CDK6: variants seen among roughly 807,000 people sequenced by gnomAD.
CDK6 encodes the protein cyclin-dependent kinase 6.
In CDK6, 6 loss-of-function variants were observed where a neutral mutation model predicts 37.1. That is an observed-to-expected ratio of 0.16 (90% CI 0.09 to 0.32). The LOEUF is 0.32. CDK6 is among the 10% of genes least tolerant of loss of function. CDK6 has a pLI of 1.00. For synonymous variants in CDK6, 160 were observed against 161.3 expected, an observed-to-expected ratio of 0.99 and a Z score of 0.06; for missense variants, 224 against 418.9, an observed-to-expected ratio of 0.53 and a Z score of 4.06.
In CDK6 at chr7:92,608,599, G is replaced by A. The variant is rs1025212856; in HGVS notation, c.*6541C>T. 5 of 232,216 alleles carry A rather than the reference G, an allele frequency of 2.2e-5. No homozygotes were observed. The highest frequency in any genetic ancestry group is 2.6e-5 in the Non-Finnish European group (3 of 117,452). 14.4% of individuals were successfully genotyped at this position (232,216 alleles called of 1,614,324 possible). A position where few individuals can be genotyped will look rare whatever the true frequency, so the allele number is the denominator to read the frequency against. ...GAGCTTAGCGCCTGAGAGATGCGGG[G>A]TAGACAGCTTCACACAGGGCAGCTG... On this transcript the variant is annotated 3_prime_UTR_variant, in exon 8 of 8. Coordinates refer to ENST00000424848, the MANE Select transcript of CDK6 (RefSeq NM_001145306.2).
intron 4 of CDK6, among the ~76,000 whole-genome samples, chr7:92,682,614 G>T (rs1467397446): frequency 1.3e-5 from 2 of 152,176 alleles, no homozygotes; most frequent in Non-Finnish European, 2.9e-5. Context: ...GCAGAGTGTT[G>T]TATAAAGCAA....
chr7:92,639,052 T>C (rs1487038945), intron 5 of CDK6, among the ~76,000 whole-genome samples: 2 of 152,218 alleles, frequency 1.3e-5, no homozygotes, highest in African/African-American at 4.8e-5. Context: ...CTGGGACTTA[T>C]ATCATCTGCT....
chr7:92,648,881 A>T (rs187518366), intron 5 of CDK6, among the ~76,000 whole-genome samples: 1 of 152,302 alleles, frequency 6.6e-6, no homozygotes, highest in East Asian at 1.9e-4. Flanking sequence ...TACATTTGGG[A>T]TATGTAAGTA....
chr7:92,664,433 T>C (rs1585380668), intron 5 of CDK6, among the ~76,000 whole-genome samples: 1 of 152,186 alleles, frequency 6.6e-6, no homozygotes, highest in South Asian at 2.1e-4. Flanking sequence ...ACCAACACAG[T>C]AACCAATGGG....
chr7:92,722,496 G>C (rs933052661), intron 4 of CDK6, among the ~76,000 whole-genome samples: 5 of 152,186 alleles, frequency 3.3e-5, no homozygotes. Flanking sequence ...TTGAGATTGA[G>C]CTACAGCATG....
intron 2 of CDK6, among the ~76,000 whole-genome samples, chr7:92,792,356 T>C (rs1800305795): frequency 6.6e-6 from 1 of 152,168 alleles, no homozygotes; most frequent in Non-Finnish European, 1.5e-5. Context: ...TCTATCTCCA[T>C]TTTTAGGTTG....
chr7:92,836,023 GT>G (rs1290565813), intron 1 of CDK6, among the ~76,000 whole-genome samples: 1 of 152,180 alleles, frequency 6.6e-6, no homozygotes, highest in South Asian at 2.1e-4. Context: ...TGGAGAGGGA[GT>G]TTTCGAGGGG....
chr7:92,622,219 C>T (rs1455704284), intron 6 of CDK6, among the ~76,000 whole-genome samples: 1 of 152,088 alleles, frequency 6.6e-6, no homozygotes, highest in Admixed American at 6.6e-5. Flanking sequence ...GCCCCAGTTA[C>T]ATTCTAGAAA....
chr7:92,742,028 G>C (rs972528555), intron 3 of CDK6, among the ~76,000 whole-genome samples: 1 of 151,984 alleles, frequency 6.6e-6, no homozygotes, highest in Non-Finnish European at 1.5e-5. Context: ...AGCTAGAAGT[G>C]GTGCTGACAG....
intron 2 of CDK6, among the ~76,000 whole-genome samples, chr7:92,790,077 T>C (rs181964946): frequency 4.5e-4 from 68 of 152,282 alleles, no homozygotes; most frequent in Middle Eastern, 3.4e-3. Flanking sequence ...CTCTCCAAAA[T>C]AGTACTTTCT....
At chr7:92,778,956 T>C (rs1431218567) in intron 2 of CDK6, among the ~76,000 whole-genome samples, 1 of 147,306 alleles carries the variant, frequency 6.8e-6, no homozygotes, top group Non-Finnish European at 1.5e-5. Context: ...TAAGATATTA[T>C]AGTAATTTCC....
chr7:92,774,648 A>G (rs1158523200), intron 3 of CDK6, 48 bp downstream of exon 3: 1 of 1,509,468 alleles, frequency 6.6e-7, no homozygotes, highest in Admixed American at 2.4e-5. Flanking sequence ...TGCTTAACAG[A>G]CTATAATAGT....
chr7:92,608,870 A>C lies in CDK6; in HGVS notation c.*6270T>G. The C allele has an allele frequency of 4.3e-6, 1 of 232,226 alleles. No homozygotes were observed. Among genetic ancestry groups the C allele is most frequent in the Admixed American group, 5.6e-5 (1 of 17,774 alleles). 14.4% of individuals were successfully genotyped at this position (232,226 alleles called of 1,614,324 possible). On this transcript the variant is annotated 3_prime_UTR_variant, in exon 8 of 8. Coordinates refer to ENST00000424848, the MANE Select transcript of CDK6 (RefSeq NM_001145306.2). ...CCTCGCCCACTGCCTCTCTCCTGCC[A>C]AAGGGGCGGGGCAACGAGGCAGCGC...
intron 5 of CDK6, among the ~76,000 whole-genome samples, chr7:92,655,577 C>T (rs1470189121): frequency 6.6e-6 from 1 of 152,174 alleles, no homozygotes; most frequent in Non-Finnish European, 1.5e-5. Context: ...CAAATTATTA[C>T]AATTAAATGG....
chr7:92,630,018 A>C (rs1796017183), intron 5 of CDK6, among the ~76,000 whole-genome samples: 1 of 152,072 alleles, frequency 6.6e-6, no homozygotes, highest in South Asian at 2.1e-4. Flanking sequence ...ATAATCTCCC[A>C]AAAGCCCCAT....
At chr7:92,807,691 G>C (rs1461173919) in intron 2 of CDK6, among the ~76,000 whole-genome samples, 3 of 151,772 alleles carry the variant, frequency 2.0e-5, no homozygotes, top group Non-Finnish European at 4.4e-5. Context: ...AATTTAAAAA[G>C]TGAAATTTTA....
intron 7 of CDK6, among the ~76,000 whole-genome samples, chr7:92,616,928 T>C (rs1795695193): frequency 6.6e-6 from 1 of 152,222 alleles, no homozygotes; most frequent in Non-Finnish European, 1.5e-5. Context: ...AGTTCTATTA[T>C]TGCTCTACTT....
intron 2 of CDK6, among the ~76,000 whole-genome samples, chr7:92,826,984 G>C (rs569921776): frequency 3.9e-5 from 6 of 152,112 alleles, no homozygotes; most frequent in African/African-American, 1.2e-4. Context: ...CATCTCAAGG[G>C]ATTTTTTTCT....
In CDK6 at chr7:92,606,508, A is replaced by G. The variant is rs984222725; in HGVS notation, c.*8632T>C. The G allele has an allele frequency of 2.6e-5, 6 of 233,188 alleles. No homozygotes were observed. The highest frequency in any genetic ancestry group is 5.1e-5 in the Non-Finnish European group (6 of 118,062). The allele number at this position is 233,188 out of a possible 1,614,324, so 14.4% of individuals were successfully genotyped here. A position where few individuals can be genotyped will look rare whatever the true frequency, so the allele number is the denominator to read the frequency against. On this transcript the variant is annotated 3_prime_UTR_variant, in exon 8 of 8. Transcript: ENST00000424848. ...AGAGATACAGGGGACAGAGATGTAG[A>G]GGTGTGGGGATGTTGGTCATCTTGG... is the stretch of plus-strand genomic sequence containing the variant.
Sources: allele counts gnomAD v4.1 joint callset (sites outside exome capture counted in the v4.1 genomes callset), GRCh38; gene constraint gnomAD v4.1.1; transcripts MANE v1.5; gene names NCBI Gene and HGNC (gene_info 2026-07-23, HGNC 2026-07-21).